Variants in NEO1 observed in about 807,000 individuals in gnomAD.
The protein encoded by NEO1 is neogenin.
A neutral mutation model predicts 159.7 loss-of-function variants in NEO1; 63 were observed. The ratio of observed to expected loss-of-function variants is 0.39; its 90% confidence interval spans 0.32 to 0.49. The LOEUF (loss-of-function observed/expected upper bound fraction) is 0.49, where lower values mean the gene tolerates loss of function less well. Ranked by LOEUF, NEO1 falls within the 20% of genes least tolerant of loss-of-function variation. The probability of loss-of-function intolerance (pLI) is 0.85; values close to 1 mark genes in which losing one functional copy is unlikely to be tolerated. For missense variants in NEO1, 1,615 were observed against 1,831.0 expected (o/e 0.88, Z 2.15); for synonymous variants, 633 against 662.0 (o/e 0.96, Z 0.67).
At chr15:73,168,390 G>T (rs1431100736) in intron 5 of NEO1, among the ~76,000 whole-genome samples, 52 of 106,422 alleles carry the variant, frequency 4.9e-4, no homozygotes, top group African/African-American at 1.3e-3. Flanking sequence ...GGGGGGGGGG[G>T]GTCTCACCAT....
At chr15:73,146,750 T>G (rs1184086488) in intron 5 of NEO1, among the ~76,000 whole-genome samples, 4 of 152,206 alleles carry the variant, frequency 2.6e-5, no homozygotes, top group Non-Finnish European at 5.9e-5. Flanking sequence ...TGATGTAAAG[T>G]TAGAACTCAG....
At chr15:73,267,437 A>G (rs901598693) in intron 16 of NEO1, among the ~76,000 whole-genome samples, 2 of 151,844 alleles carry the variant, frequency 1.3e-5, no homozygotes, top group Non-Finnish European at 1.5e-5. Context: ...TGTGCACAAC[A>G]TGCAGGTTTG....
intron 9 of NEO1, among the ~76,000 whole-genome samples, chr15:73,247,759 A>G (rs988906113): frequency 2.0e-5 from 3 of 152,230 alleles, no homozygotes; most frequent in African/African-American, 7.2e-5. Flanking sequence ...TAGAATGTCT[A>G]CCAAAGTGTA....
At position 73,105,111 on chromosome 15, in the gene NEO1, C is replaced by G. The variant is rs186908749; in HGVS notation, c.131-11429C>G. Among the ~76,000 whole-genome samples, 261 of 152,220 alleles carry G rather than the reference C, an allele frequency of 1.7e-3. 1 individual carries two copies. Among genetic ancestry groups the G allele is most frequent in the African/African-American group, 5.9e-3 (244 of 41,538 alleles). On this transcript the variant is annotated intron_variant, in intron 1 of 28. Coordinates refer to ENST00000261908, the MANE Select transcript of NEO1 (RefSeq NM_002499.4). ...TATTAAATTTCTTGAAAAATCTTATCTACTCAGTATCAGTGAAGTGTTTTC... is the reference window on the plus strand; with the variant it reads ...TATTAAATTTCTTGAAAAATCTTATGTACTCAGTATCAGTGAAGTGTTTTC...
intron 1 of NEO1, among the ~76,000 whole-genome samples, chr15:73,096,577 A>G (rs2151479039): frequency 6.6e-6 from 1 of 152,332 alleles, no homozygotes; most frequent in East Asian, 1.9e-4. Flanking sequence ...AAAGAATGGT[A>G]ACATCTGTTT....
intron 1 of NEO1, among the ~76,000 whole-genome samples, chr15:73,059,567 A>G (rs975779980): frequency 2.0e-5 from 3 of 152,334 alleles, no homozygotes; most frequent in South Asian, 2.1e-4. Flanking sequence ...TTCTGTCCTC[A>G]GGAAGCATTT....
chr15:73,227,273 A>G (rs1232546921), intron 7 of NEO1, among the ~76,000 whole-genome samples: 1 of 152,216 alleles, frequency 6.6e-6, no homozygotes, highest in Non-Finnish European at 1.5e-5. Context: ...AGACAGGCAC[A>G]TCACTTGAGG....
chr15:73,204,196 AT>A (rs1420329143), intron 7 of NEO1, among the ~76,000 whole-genome samples: 1 of 151,616 alleles, frequency 6.6e-6, no homozygotes, highest in Non-Finnish European at 1.5e-5. Flanking sequence ...AATTCTTATC[AT>A]TATTCCTCTG....
In NEO1 at chr15:73,052,700, C is replaced by T. The variant is rs1378815636; in HGVS notation, c.25C>T (p.Arg9Ter). ...GATGGCGGCGGAGCGGGGAGCCCGG[C>T]GACTCCTCAGCACCCCCTCCTTCTG... MAAERGAR[R>*]LLSTPSFWLY... Residue 9 changes from arginine to a stop codon, truncating the protein, a stop_gained, in exon 1 of 29, where the codon CGA (arginine) becomes TGA (stop). Coordinates refer to ENST00000261908, the MANE Select transcript of NEO1 (RefSeq NM_002499.4). LOFTEE classifies it high-confidence loss of function. 2 of 1,356,744 alleles carry T rather than the reference C, an allele frequency of 1.5e-6. No individual in the cohort carries two copies. The highest frequency in any genetic ancestry group is 1.6e-5 in the South Asian group (1 of 62,362). 84.0% of individuals were successfully genotyped at this position (1,356,744 alleles called of 1,614,324 possible). A position where few individuals can be genotyped will look rare whatever the true frequency, so the allele number is the denominator to read the frequency against.
At chr15:73,211,832 C>G (rs1330501406) in intron 7 of NEO1, among the ~76,000 whole-genome samples, 5 of 152,200 alleles carry the variant, frequency 3.3e-5, no homozygotes, top group African/African-American at 9.6e-5. Flanking sequence ...TCTTTTGGGT[C>G]TCACATTACA....
At chr15:73,251,881 C>G (rs528319095) in intron 11 of NEO1, among the ~76,000 whole-genome samples, 1 of 152,126 alleles carries the variant, frequency 6.6e-6, no homozygotes, top group Non-Finnish European at 1.5e-5. Context: ...ATAGAAACTC[C>G]GTCCTGAGAT....
At chr15:73,194,098 AT>A (rs2036391121) in intron 7 of NEO1, among the ~76,000 whole-genome samples, 1 of 152,174 alleles carries the variant, frequency 6.6e-6, no homozygotes, top group Admixed American at 6.6e-5. Flanking sequence ...AAGGGTTGGA[AT>A]TTGTTGAGCA....
Position 73,288,480 on chromosome 15 carries a change from A to G in NEO1, c.3578A>G (p.Asn1193Ser), listed in dbSNP as rs367758397. ...PIMTDTPIPR[N>S]SQDITPVDNS... ...ATGACTGATACTCCAATTCCTCGCA[A>G]CTCTCAAGATATCACACCAGTTGAC... Residue 1193 changes from asparagine (N) to serine (S), a missense_variant, in exon 24 of 29, where the codon AAC becomes AGC. By Grantham distance (46) the Asn-to-Ser change is conservative. Coordinates refer to ENST00000261908, the MANE Select transcript of NEO1 (RefSeq NM_002499.4). The G allele has an allele frequency of 4.8e-5, 77 of 1,613,972 alleles. No individual in the cohort carries two copies. The highest frequency in any genetic ancestry group is 5.9e-5 in the Non-Finnish European group (70 of 1,180,020).
intron 16 of NEO1, among the ~76,000 whole-genome samples, chr15:73,266,801 ACAT>A (rs1567646187): frequency 6.6e-6 from 1 of 152,194 alleles, no homozygotes; most frequent in African/African-American, 2.4e-5. Flanking sequence ...CGTGAACCCA[ACAT>A]CATTTGGTTA....
intron 8 of NEO1, among the ~76,000 whole-genome samples, chr15:73,238,414 C>G (rs1046469719): frequency 6.6e-6 from 1 of 150,654 alleles, no homozygotes; most frequent in South Asian, 2.1e-4. Context: ...TAGTAACACT[C>G]AGTAAATATT....
intron 8 of NEO1, among the ~76,000 whole-genome samples, chr15:73,240,178 G>A (rs1395281667): frequency 6.6e-6 from 1 of 152,160 alleles, no homozygotes; most frequent in Admixed American, 6.5e-5. Context: ...GGCAGGACAG[G>A]TTTTGACAAA....
At chr15:73,088,648 A>G (rs1431361601) in intron 1 of NEO1, among the ~76,000 whole-genome samples, 1 of 152,126 alleles carries the variant, frequency 6.6e-6, no homozygotes, top group African/African-American at 2.4e-5. Context: ...AAAAAGAGTG[A>G]AAAAGTTTTG....
At chr15:73,293,368 T>A (rs1421958415) in intron 25 of NEO1, 22 bp from the exon 26 acceptor site, 1 of 1,613,434 alleles carries the variant, frequency 6.2e-7, no homozygotes, top group Non-Finnish European at 8.5e-7. Context: ...TAAGCATTTC[T>A]CTGTCTTGTG....
intron 1 of NEO1, among the ~76,000 whole-genome samples, chr15:73,059,706 T>C (rs1217037950): frequency 6.6e-6 from 1 of 152,218 alleles, no homozygotes; most frequent in Non-Finnish European, 1.5e-5. Flanking sequence ...ATAGTGCTGC[T>C]TTCCCTCATA....
Sources: gnomAD v4.1 joint callset for allele counts (sites outside exome capture counted in the v4.1 genomes callset) on GRCh38, gnomAD v4.1.1 for gene constraint, MANE v1.5 for transcripts, NCBI Gene and HGNC (gene_info 2026-07-23, HGNC 2026-07-21) for gene names.